CBFA2T3: variants seen among roughly 807,000 people sequenced by gnomAD.
CBFA2T3 encodes the protein transcriptional corepressor CBFA2T3.
In CBFA2T3, 31 loss-of-function variants were observed where a neutral mutation model predicts 58.6. The ratio of observed to expected loss-of-function variants is 0.53; its 90% CI spans 0.40 to 0.71. CBFA2T3 has a LOEUF of 0.71. CBFA2T3 is among the 30% of genes least tolerant of loss of function. The pLI is 0.00. For missense variants in CBFA2T3, 1,076 were observed against 963.1 expected (o/e 1.12, Z -1.55); for synonymous variants, 531 against 421.9 (o/e 1.26, Z -3.17).
intron 5 of CBFA2T3, among the ~76,000 whole-genome samples, chr16:88,887,420 G>A (rs775101436): frequency 7.2e-5 from 11 of 152,154 alleles, no homozygotes; most frequent in Non-Finnish European, 1.0e-4. Context: ...CTGTTAGGGC[G>A]GGGAGAACAT....
chr16:88,975,203 A>ACCTGCAGCCATGTCAGAGGCCCG (rs1972810297), intron 1 of CBFA2T3, among the ~76,000 whole-genome samples: 5 of 109,402 alleles, frequency 4.6e-5, no homozygotes, highest in Non-Finnish European at 9.8e-5. Context: ...TCAGAGGTCC[A>ACCTGCAGCCATGTCAGAGGCCCG]CCCTGACCCT....
Position 88,881,459 on chromosome 16 carries a change from TCTC to T in CBFA2T3, c.1231_1233del (p.Glu411del). 6.2e-7 allele frequency: 1 copy of T among 1,609,644 alleles called. No homozygotes were observed. Among genetic ancestry groups the T allele is most frequent in the Non-Finnish European group, 8.5e-7 (1 of 1,178,214 alleles). On this transcript the variant is annotated inframe_deletion, in exon 9 of 12. Transcript: ENST00000268679. Reference sequence around the variant, plus strand: ...AGCACCGTGAGCGAGCGCCGCGTCTTCTCCACCATGTCCATGATGCAGTTCAGG... The same window carrying T: ...AGCACCGTGAGCGAGCGCCGCGTCTTCACCATGTCCATGATGCAGTTCAGG...
chr16:88,970,806 C>T (rs1225118511), intron 1 of CBFA2T3, among the ~76,000 whole-genome samples: 1 of 152,262 alleles, frequency 6.6e-6, no homozygotes, highest in Non-Finnish European at 1.5e-5. Flanking sequence ...CTGCTGCAAG[C>T]AGGCACCAGA....
At chr16:88,936,013 G>C (rs896623992) in intron 1 of CBFA2T3, among the ~76,000 whole-genome samples, 3 of 152,188 alleles carry the variant, frequency 2.0e-5, no homozygotes, top group African/African-American at 7.2e-5. Flanking sequence ...GAACAGGGCA[G>C]GGGGCTGCAG....
intron 1 of CBFA2T3, among the ~76,000 whole-genome samples, chr16:88,946,932 T>A (rs1971918943): frequency 6.6e-6 from 1 of 152,186 alleles, no homozygotes; most frequent in Non-Finnish European, 1.5e-5. Flanking sequence ...TTATTTTTTG[T>A]AGAGACAGGG....
intron 1 of CBFA2T3, among the ~76,000 whole-genome samples, chr16:88,924,570 G>A (rs1392595411): frequency 1.3e-5 from 2 of 152,178 alleles, no homozygotes; most frequent in East Asian, 3.9e-4. Flanking sequence ...TCGGTGCTGT[G>A]TCGTGGGGCC....
chr16:88,910,119 C>G (rs944625459), intron 1 of CBFA2T3, among the ~76,000 whole-genome samples: 8 of 152,360 alleles, frequency 5.3e-5, no homozygotes, highest in Admixed American at 5.2e-4. Context: ...TACCCCACAC[C>G]CGCCTGTGCT....
Position 88,963,214 on chromosome 16 carries a change from A to G in CBFA2T3, c.151+13443T>C, listed in dbSNP as rs1972411326. The stretch of plus-strand genomic sequence containing the variant: ...AGAGGCTGTAAGGAGTTTCTACCAA[A>G]GTCCAGGGACAGTGGGGGAAGGCCA... On this transcript the variant is annotated intron_variant, in intron 1 of 11. Transcript: ENST00000268679. 1.5e-5 allele frequency among the ~76,000 whole-genome samples: 2 copies of G among 131,424 alleles called. 1 individual carries two copies. Among genetic ancestry groups the G allele is most frequent in the South Asian group, 5.1e-4 (2 of 3,902 alleles). 86.2% of individuals were successfully genotyped at this position (131,424 alleles called of 152,430 possible).
At chr16:88,930,134 C>G (rs1360952059) in intron 1 of CBFA2T3, among the ~76,000 whole-genome samples, 1 of 147,342 alleles carries the variant, frequency 6.8e-6, no homozygotes, top group African/African-American at 2.7e-5. Flanking sequence ...GCATGGTCCA[C>G]GTAAAAGCTA....
At chr16:88,881,911 G>A (rs907996765) in intron 8 of CBFA2T3, among the ~76,000 whole-genome samples, 1 of 152,240 alleles carries the variant, frequency 6.6e-6, no homozygotes, top group African/African-American at 2.4e-5. Context: ...TGGGGTGGGT[G>A]GGTTCTGAGG....
intron 1 of CBFA2T3, among the ~76,000 whole-genome samples, chr16:88,919,832 A>G (rs925277291): frequency 6.6e-6 from 1 of 152,234 alleles, no homozygotes; most frequent in African/African-American, 2.4e-5. Context: ...AGGCCGCATC[A>G]GACCCCGCCC....
intron 1 of CBFA2T3, among the ~76,000 whole-genome samples, chr16:88,948,060 G>A (rs1039405556): frequency 1.3e-5 from 2 of 152,118 alleles, no homozygotes; most frequent in Non-Finnish European, 2.9e-5. Context: ...TTCCATTCCC[G>A]TGGTGGGTGT....
chr16:88,946,401 A>T (rs1971902770), intron 1 of CBFA2T3, among the ~76,000 whole-genome samples: 1 of 152,198 alleles, frequency 6.6e-6, no homozygotes, highest in South Asian at 2.1e-4. Context: ...ATTCAGGAAA[A>T]TGTAAAATGA....
rs779996999 is a variant in CBFA2T3, at chr16:88,892,372, G to T, written c.493C>A (p.Leu165Met). 1 of 1,613,534 alleles carries T rather than the reference G, an allele frequency of 6.2e-7. No homozygotes were observed. The highest frequency in any genetic ancestry group is 8.5e-7 in the Non-Finnish European group (1 of 1,180,002). The change falls in exon 4 of 12, where the codon CTG becomes ATG. Residue 165 changes from leucine (L) to methionine (M), a missense_variant. Coordinates refer to ENST00000268679, the MANE Select transcript of CBFA2T3 (RefSeq NM_005187.6). ...SSTASLSTQH[L>M]PPACGARQLS... ...TGCCGGGCCCCGCAGGCTGGGGGCA[G>T]GTGCTGTGTGGACAAGGAGGCTGTG... is the stretch of plus-strand genomic sequence containing the variant.
chr16:88,901,579 G>C lies in CBFA2T3; in HGVS notation c.229C>G (p.Pro77Ala). 6.6e-7 allele frequency: 1 copy of C among 1,504,880 alleles called. No homozygotes were observed. The highest frequency in any genetic ancestry group is 8.8e-7 in the Non-Finnish European group (1 of 1,137,356). The allele number at this position is 1,504,880 out of a possible 1,614,324, so 93.2% of individuals were successfully genotyped here. A position where few individuals can be genotyped will look rare whatever the true frequency, so the allele number is the denominator to read the frequency against. ...GGCGGTGGGGGCGGCATGCTGGGGGGTGTGGACCGGGGCTGCGTCTTCACC... is the reference window on the plus strand; with the variant it reads ...GGCGGTGGGGGCGGCATGCTGGGGGCTGTGGACCGGGGCTGCGTCTTCACC... ...AEVKTQPRST[P>A]PSMPPPPPAA... The change falls in exon 2 of 12, where the codon CCC becomes GCC. Residue 77 changes from proline to alanine, a missense_variant. Physicochemically the swap from Pro to Ala is conservative, Grantham distance 27 (BLOSUM62 -1). Coordinates refer to ENST00000268679, the MANE Select transcript of CBFA2T3 (RefSeq NM_005187.6).
rs1968799293 is a variant in CBFA2T3 at position 88,875,589 on chromosome 16, G to A, written c.*1387C>T. 8.6e-6 allele frequency: 2 copies of A among 233,730 alleles called. No individual in the cohort carries two copies. The highest frequency in any genetic ancestry group is 3.5e-4 in the South Asian group (2 of 5,648). 14.5% of individuals were successfully genotyped at this position (233,730 alleles called of 1,614,324 possible). A position where few individuals can be genotyped will look rare whatever the true frequency, so the allele number is the denominator to read the frequency against. ...GCGATGGGGCCGAGAGGTTGGAGTT[G>A]GGGCGATGGGGCTGAGAGAGGTCGG... On this transcript the variant is annotated 3_prime_UTR_variant, in exon 12 of 12. Coordinates refer to ENST00000268679, the MANE Select transcript of CBFA2T3 (RefSeq NM_005187.6).
At chr16:88,962,729 C>T (rs750697256) in intron 1 of CBFA2T3, among the ~76,000 whole-genome samples, 5 of 152,216 alleles carry the variant, frequency 3.3e-5, no homozygotes, top group Non-Finnish European at 5.9e-5. Flanking sequence ...GGCCCAGCCA[C>T]GAACATGGGT....
Position 88,876,978 on chromosome 16 carries a change from A to G in CBFA2T3, c.1960T>C (p.Ter654ArgextTer47). ...CGGCAGGCCAGGGGCCAGTGGGGTC[A>G]GCGGGGCACGGTGTCCAGTGGGCCA... ...PPGPLDTVPR[*>R] The change falls in exon 12 of 12, where the codon TGA becomes CGA. Residue 654 changes from the stop codon to arginine (R), a stop_lost. Transcript: ENST00000268679. The G allele has an allele frequency of 7.0e-7, 1 of 1,438,230 alleles. No homozygotes were observed. The highest frequency in any genetic ancestry group is 9.1e-7 in the Non-Finnish European group (1 of 1,101,568). The allele number at this position is 1,438,230 out of a possible 1,614,324, so 89.1% of individuals were successfully genotyped here.
intron 1 of CBFA2T3, among the ~76,000 whole-genome samples, chr16:88,974,365 G>A (rs1275695810): frequency 6.6e-6 from 1 of 152,072 alleles, no homozygotes; most frequent in Non-Finnish European, 1.5e-5. Context: ...CTCCGCGTGA[G>A]GGGGCTGGTG....
Sources: allele counts gnomAD v4.1 joint callset (sites outside exome capture counted in the v4.1 genomes callset), GRCh38; gene constraint gnomAD v4.1.1; transcripts MANE v1.5; gene names NCBI Gene and HGNC (gene_info 2026-07-23, HGNC 2026-07-21).